Variants in ADCY5 observed in about 807,000 individuals in gnomAD.
The protein encoded by ADCY5 is adenylate cyclase type 5.
ADCY5 carries 30 observed loss-of-function variants against 119.7 expected under a neutral mutation model. The observed-to-expected ratio is 0.25, with a 90% CI of 0.19 to 0.34. ADCY5 has a LOEUF of 0.34. Ranked by LOEUF, ADCY5 falls within the 10% of genes least tolerant of loss-of-function variation. The probability of loss-of-function intolerance (pLI) is 1.00; values close to 1 mark genes in which losing one functional copy is unlikely to be tolerated. For missense variants in ADCY5, 1,324 were observed against 1,775.2 expected, an observed-to-expected ratio of 0.75 and a Z score of 4.57; for synonymous variants, 753 against 762.2, an observed-to-expected ratio of 0.99 and a Z score of 0.20.
intron 1 of ADCY5, among the ~76,000 whole-genome samples, chr3:123,379,477 G>A (rs1490003920): frequency 6.6e-6 from 1 of 152,138 alleles, no homozygotes; most frequent in African/African-American, 2.4e-5. Flanking sequence ...TCTCCCTGGG[G>A]GAGGAAAGCC....
At chr3:123,392,953 G>T (rs1413532211) in intron 1 of ADCY5, among the ~76,000 whole-genome samples, 1 of 152,134 alleles carries the variant, frequency 6.6e-6, no homozygotes, top group Non-Finnish European at 1.5e-5. Context: ...TGATCAGAAG[G>T]GGGTCTCTAC....
At chr3:123,288,056 G>GCA (rs1317526231) in intron 19 of ADCY5, among the ~76,000 whole-genome samples, 1 of 152,232 alleles carries the variant, frequency 6.6e-6, no homozygotes, top group Non-Finnish European at 1.5e-5. Flanking sequence ...AATGGAGGCT[G>GCA]CACATCACTT....
chr3:123,411,057 C>T (rs1945032111), intron 1 of ADCY5, among the ~76,000 whole-genome samples: 1 of 152,178 alleles, frequency 6.6e-6, no homozygotes, highest in South Asian at 2.1e-4. Flanking sequence ...TACCAAATCA[C>T]TCAGGTTTGT....
intron 1 of ADCY5, among the ~76,000 whole-genome samples, chr3:123,377,006 G>A (rs1044434519): frequency 6.6e-6 from 1 of 152,130 alleles, no homozygotes; most frequent in African/African-American, 2.4e-5. Context: ...AGCAAGAAGA[G>A]GGAAGGCTCG....
intron 1 of ADCY5, among the ~76,000 whole-genome samples, chr3:123,419,404 G>A (rs1478577429): frequency 6.6e-6 from 1 of 151,992 alleles, no homozygotes; most frequent in Admixed American, 6.6e-5. Context: ...TCCCTTCACC[G>A]TTTCCTTCCT....
intron 1 of ADCY5, chr3:123,367,810 C>A: frequency 6.8e-7 from 1 of 1,481,094 alleles, no homozygotes; most frequent in Non-Finnish European, 9.0e-7. Context: ...TCTTTCCATT[C>A]CTCACCTCTG....
intron 1 of ADCY5, among the ~76,000 whole-genome samples, chr3:123,411,822 C>T (rs759305125): frequency 4.6e-5 from 7 of 152,296 alleles, no homozygotes; most frequent in Non-Finnish European, 1.0e-4. Context: ...AGCAGGCCCA[C>T]GTGGGGCTGT....
chr3:123,354,369 AC>A (rs1217947690), intron 1 of ADCY5, among the ~76,000 whole-genome samples: 2 of 152,170 alleles, frequency 1.3e-5, no homozygotes, highest in Non-Finnish European at 2.9e-5. Flanking sequence ...GGGAACAAAG[AC>A]CTGCGTGTGG....
At chr3:123,289,728 C>T (rs1309348648) in intron 19 of ADCY5, 22 bp downstream of exon 19, 1 of 1,611,176 alleles carries the variant, frequency 6.2e-7, no homozygotes, top group Non-Finnish European at 8.5e-7. Context: ...CTGGGCTCAG[C>T]ACTCCCTGGG....
At chr3:123,325,254 G>A (rs1941423369) in intron 8 of ADCY5, 68 bp downstream of exon 8, 1 of 1,570,766 alleles carries the variant, frequency 6.4e-7, no homozygotes. Flanking sequence ...TCTGGTGCGG[G>A]CCTCATGCCC....
chr3:123,445,015 CA>C (rs1945788233), intron 1 of ADCY5, among the ~76,000 whole-genome samples: 2 of 152,190 alleles, frequency 1.3e-5, no homozygotes, highest in African/African-American at 4.8e-5. Context: ...GAGGCATAAT[CA>C]AAAGGGTAAA....
intron 1 of ADCY5, among the ~76,000 whole-genome samples, chr3:123,359,058 A>T (rs1295037524): frequency 6.6e-6 from 1 of 152,102 alleles, no homozygotes; most frequent in African/African-American, 2.4e-5. Flanking sequence ...TTGGAGTAGA[A>T]GGAAATGAGT....
intron 1 of ADCY5, among the ~76,000 whole-genome samples, chr3:123,361,257 G>A (rs1196959407): frequency 3.3e-5 from 5 of 152,170 alleles, no homozygotes; most frequent in African/African-American, 9.7e-5. Flanking sequence ...GGCTATGGGT[G>A]AGAAAGGCCC....
At chr3:123,374,143 G>A (rs368217853) in intron 1 of ADCY5, among the ~76,000 whole-genome samples, 4 of 152,152 alleles carry the variant, frequency 2.6e-5, no homozygotes, top group East Asian at 3.9e-4. Flanking sequence ...CATCAGGGAG[G>A]GGGTAAGGTT....
At chr3:123,329,613 T>C (rs1941664581) in intron 5 of ADCY5, among the ~76,000 whole-genome samples, 1 of 152,016 alleles carries the variant, frequency 6.6e-6, no homozygotes, top group Non-Finnish European at 1.5e-5. Context: ...TGAACTCAGA[T>C]TGCACTTTCT....
At chr3:123,398,491 C>T (rs1944666054) in intron 1 of ADCY5, among the ~76,000 whole-genome samples, 1 of 152,180 alleles carries the variant, frequency 6.6e-6, no homozygotes, top group South Asian at 2.1e-4. Context: ...AGCCCCTTGT[C>T]GCCTCCAAAC....
chr3:123,415,602 C>T (rs2107630556), intron 1 of ADCY5, among the ~76,000 whole-genome samples: 1 of 152,280 alleles, frequency 6.6e-6, no homozygotes, highest in South Asian at 2.1e-4. Context: ...TGGCATGTCC[C>T]ACAGCGCCTC....
At chr3:123,316,574 T>A (rs1940921058) in intron 11 of ADCY5, among the ~76,000 whole-genome samples, 1 of 152,244 alleles carries the variant, frequency 6.6e-6, no homozygotes, top group Non-Finnish European at 1.5e-5. Flanking sequence ...CAAATACCAT[T>A]ATTTCAACAT....
chr3:123,311,080 T>C (rs913082541), intron 12 of ADCY5, among the ~76,000 whole-genome samples: 1 of 152,218 alleles, frequency 6.6e-6, no homozygotes, highest in African/African-American at 2.4e-5. Flanking sequence ...CAGTCCATGT[T>C]GTTCTGGGAA....
Sources: allele counts gnomAD v4.1 joint callset (sites outside exome capture counted in the v4.1 genomes callset), GRCh38; gene constraint gnomAD v4.1.1; transcripts MANE v1.5; gene names NCBI Gene and HGNC (gene_info 2026-07-23, HGNC 2026-07-21).